The following FKBP3 variants were observed in gnomAD, a reference collection of about 807,000 sequenced individuals.
FKBP3 encodes the protein FKBP prolyl isomerase 3.
Under a neutral mutation model 30.6 loss-of-function variants are expected in FKBP3, and 21 were observed. The ratio of observed to expected loss-of-function variants is 0.69; its 90% CI spans 0.49 to 0.99. The LOEUF is 0.99. Among genes scored for constraint, FKBP3 ranks in the 50% least tolerant of loss-of-function variants. The pLI, the probability that FKBP3 is intolerant of heterozygous loss-of-function variation, is 0.00. For missense variants in FKBP3, 283 were observed against 261.6 expected, an observed-to-expected ratio of 1.08 and a Z score of -0.56; for synonymous variants, 82 against 91.3, an observed-to-expected ratio of 0.90 and a Z score of 0.58.
intron 3 of FKBP3, among the ~76,000 whole-genome samples, chr14:45,128,738 A>C (rs1885153290): frequency 6.6e-6 from 1 of 152,202 alleles, no homozygotes; most frequent in African/African-American, 2.4e-5. Flanking sequence ...GACCCTCATA[A>C]GCTTGCTCTA....
intron 5 of FKBP3, among the ~76,000 whole-genome samples, chr14:45,118,959 C>T (rs759907703): frequency 2.0e-4 from 30 of 152,212 alleles, no homozygotes; most frequent in Middle Eastern, 3.4e-3. Context: ...CGGGTTTAAC[C>T]GATTCTCCTG....
At chr14:45,124,206 T>G (rs1885048047) in intron 3 of FKBP3, among the ~76,000 whole-genome samples, 1 of 152,122 alleles carries the variant, frequency 6.6e-6, no homozygotes, top group Non-Finnish European at 1.5e-5. Flanking sequence ...TTCCATGACC[T>G]TCTCAGTAGA....
intron 3 of FKBP3, among the ~76,000 whole-genome samples, chr14:45,127,540 AT>A (rs1885127894): frequency 6.6e-6 from 1 of 152,174 alleles, no homozygotes; most frequent in Non-Finnish European, 1.5e-5. Flanking sequence ...ATACTGAGAT[AT>A]TTTACATTCT....
chr14:45,126,069 T>G (rs1245276995), intron 3 of FKBP3, among the ~76,000 whole-genome samples: 1 of 151,972 alleles, frequency 6.6e-6, no homozygotes, highest in Non-Finnish European at 1.5e-5. Context: ...TGGCTACTTT[T>G]TTGGTAGAGA....
At chr14:45,132,837 C>T (rs73340651) in intron 1 of FKBP3, among the ~76,000 whole-genome samples, 7,328 of 152,144 alleles carry the variant, frequency 0.048, 592 homozygotes, top group African/African-American at 0.17. Flanking sequence ...TTCCACATGG[C>T]ATGATTTGTT....
intron 6 of FKBP3, among the ~76,000 whole-genome samples, chr14:45,116,701 C>G (rs977699191): frequency 4.6e-5 from 7 of 151,662 alleles, no homozygotes; most frequent in South Asian, 2.1e-4. Flanking sequence ...ACTAAAAATA[C>G]AAAAATTAGC....
chr14:45,134,246 G>T, intron 1 of FKBP3, 103 bp downstream of exon 1: 1 of 975,740 alleles, frequency 1.0e-6, no homozygotes, highest in African/African-American at 1.7e-5. Context: ...GCCGCGGGAA[G>T]ACGAGGGCGG....
rs1473976909 is a variant in FKBP3 at position 45,116,382 on chromosome 14, GA to G, written c.621-131del. On this transcript the variant is annotated intron_variant, in intron 6 of 6. Coordinates refer to ENST00000396062, the MANE Select transcript of FKBP3 (RefSeq NM_002013.4). ...CTTGGACTAGGATCCTCCTTACCTG[GA>G]TGCTTTACAAGTACTCCTAAATTAG... 6 of 610,298 alleles carry G rather than the reference GA, an allele frequency of 9.8e-6. 1 individual carries two copies. The East Asian group carries it at 1.6e-4, about 16-fold the overall frequency. 37.8% of individuals were successfully genotyped at this position (610,298 alleles called of 1,614,324 possible). A position where few individuals can be genotyped will look rare whatever the true frequency, so the allele number is the denominator to read the frequency against.
intron 1 of FKBP3, chr14:45,133,374 G>A: frequency 3.7e-6 from 1 of 268,534 alleles, no homozygotes; most frequent in Non-Finnish European, 8.0e-6. Flanking sequence ...GGCAGAGGCA[G>A]GAGAATCGTT....
Position 45,115,611 on chromosome 14 carries a change from A to C in FKBP3, c.*587T>G, listed in dbSNP as rs1352661318. 6.6e-6 allele frequency: 1 copy of C among 152,512 alleles called. No homozygotes were observed. The highest frequency in any genetic ancestry group is 1.5e-5 in the Non-Finnish European group (1 of 68,010). The allele number at this position is 152,512 out of a possible 1,614,324, so 9.4% of individuals were successfully genotyped here. On this transcript the variant is annotated 3_prime_UTR_variant, in exon 7 of 7. Transcript: ENST00000396062. ...AAGACTCATCCAGTAATTGTTTATG[A>C]ATTTATTTTGGGGGGATCAATTAGT...
intron 6 of FKBP3, among the ~76,000 whole-genome samples, chr14:45,116,474 GT>G (rs1182405522): frequency 1.3e-5 from 2 of 151,374 alleles, no homozygotes; most frequent in South Asian, 2.1e-4. Context: ...CTGGGGGGGG[GT>G]GGAACAAAAA....
chr14:45,120,234 A>G (rs1884954596), intron 5 of FKBP3, among the ~76,000 whole-genome samples: 1 of 152,222 alleles, frequency 6.6e-6, no homozygotes, highest in Non-Finnish European at 1.5e-5. Flanking sequence ...AACCTGATTC[A>G]TAGAAGGTGA....
At chr14:45,128,973 T>A (rs1181794865) in intron 3 of FKBP3, among the ~76,000 whole-genome samples, 1 of 152,234 alleles carries the variant, frequency 6.6e-6, no homozygotes, top group African/African-American at 2.4e-5. Context: ...AACTGCTTTG[T>A]GTGCACATAT....
chr14:45,120,786 G>T lies in FKBP3; in HGVS notation c.522+101C>A, dbSNP rs549594891. ...CCCAATCTGTCAGACTCCAAAGTCT[G>T]TTTCCTTTGTATTATATCCCCAAAC... On this transcript the variant is annotated intron_variant, in intron 5 of 6. Coordinates refer to ENST00000396062, the MANE Select transcript of FKBP3 (RefSeq NM_002013.4). 1.3e-4 allele frequency: 119 copies of T among 936,974 alleles called. 1 individual carries two copies. In the South Asian group the frequency reaches 1.7e-3, roughly 13 times the overall value. The allele number at this position is 936,974 out of a possible 1,614,324, so 58.0% of individuals were successfully genotyped here.
rs772988093 is a variant in FKBP3, at chr14:45,116,166, G to A, written c.*32C>T. On this transcript the variant is annotated 3_prime_UTR_variant, in exon 7 of 7. Coordinates refer to ENST00000396062, the MANE Select transcript of FKBP3 (RefSeq NM_002013.4). Reference sequence around the variant, plus strand: ...TTCAAGGCCAAGTTTTATCATTGTTGCTAATATCCTTAGAGCTGAAGCACT... The same window carrying A: ...TTCAAGGCCAAGTTTTATCATTGTTACTAATATCCTTAGAGCTGAAGCACT... The A allele has an allele frequency of 6.6e-7, 1 of 1,508,952 alleles. No individual in the cohort carries two copies. The highest frequency in any genetic ancestry group is 9.2e-7 in the Non-Finnish European group (1 of 1,087,236). The allele number at this position is 1,508,952 out of a possible 1,614,324, so 93.5% of individuals were successfully genotyped here.
Position 45,121,597 on chromosome 14 carries a change from A to C in FKBP3, c.342T>G (p.Ser114=). The C allele has an allele frequency of 1.2e-6, 2 of 1,613,734 alleles. No individual in the cohort carries two copies. The highest frequency in any genetic ancestry group is 1.7e-6 in the Non-Finnish European group (2 of 1,179,820). ...TGGTTTTATCTCCCTTTTTCAGAAC[A>C]GATTTAGTATATTTTGGTGGACCCT... ...LDEGPPKYTK[S]VLKKGDKTNF... is the part of the protein sequence containing the mutation. The change falls in exon 4 of 7, where the codon TCT becomes TCG. Residue 114 remains serine (S), a synonymous_variant. Transcript: ENST00000396062.
Position 45,121,636 on chromosome 14 carries a change from A to AAC in FKBP3, c.319-18_319-17dup, listed in dbSNP as rs36080890. The AAC allele has an allele frequency of 1.8e-3, 2,964 of 1,611,008 alleles. 1 individual carries two copies. The highest frequency in any genetic ancestry group is 2.2e-3 in the Non-Finnish European group (2,563 of 1,178,634). On this transcript the variant is annotated splice_polypyrimidine_tract_variant and intron_variant, in intron 3 of 6. Transcript: ENST00000396062. ...TTGGTGGACCCTAAAAACAAAAAAC[A>AAC]ACACACACACACAGAGTTATTAATT... is the stretch of plus-strand genomic sequence containing the variant.
chr14:45,120,111 T>C (rs1320098338), intron 5 of FKBP3, among the ~76,000 whole-genome samples: 1 of 152,208 alleles, frequency 6.6e-6, no homozygotes, highest in African/African-American at 2.4e-5. Context: ...GAGTAATATA[T>C]TGAAGGTTCC....
rs1885330546 is a variant in FKBP3 at position 45,134,419 on chromosome 14, T to C, written c.38A>G (p.Glu13Gly). The change falls in exon 1 of 7, where the codon GAG (glutamate) becomes GGG (glycine). Residue 13 changes from glutamate to glycine, a missense_variant. Transcript: ENST00000396062. ...AAVPQRAWTVEQLRSEQLPKK... is the reference protein window; with the variant it reads ...AAVPQRAWTVGQLRSEQLPKK... ...GGGCAGCTGCTCACTGCGCAGCTGC[T>C]CCACGGTCCACGCCCGCTGTGGAAC... The C allele has an allele frequency of 6.2e-7, 1 of 1,613,526 alleles. No individual in the cohort carries two copies. Among genetic ancestry groups the C allele is most frequent in the South Asian group, 1.1e-5 (1 of 91,058 alleles).
Sources: allele counts gnomAD v4.1 joint callset (sites outside exome capture counted in the v4.1 genomes callset), GRCh38; gene constraint gnomAD v4.1.1; transcripts MANE v1.5; gene names NCBI Gene and HGNC (gene_info 2026-07-23, HGNC 2026-07-21).